Variants in FSTL5 observed in about 807,000 individuals in gnomAD.
The protein encoded by FSTL5 is follistatin-related protein 5.
In FSTL5, 62 loss-of-function variants were observed where a neutral mutation model predicts 89.1. The observed-to-expected ratio is 0.70, with a 90% CI of 0.57 to 0.86. The LOEUF is 0.86. Among genes scored for constraint, FSTL5 ranks in the 40% least tolerant of loss-of-function variants. The pLI is 0.00. For missense variants in FSTL5, 1,057 were observed against 1,001.6 expected (o/e 1.06, Z -0.75); for synonymous variants, 383 against 346.2 (o/e 1.11, Z -1.18).
intron 8 of FSTL5, among the ~76,000 whole-genome samples, chr4:161,574,609 G>A (rs546566148): frequency 1.1e-4 from 16 of 151,972 alleles, no homozygotes; most frequent in South Asian, 4.1e-4. Context: ...GAGAACATAC[G>A]GTGTTTGGTT....
chr4:162,084,924 G>T (rs1031930851), intron 2 of FSTL5, among the ~76,000 whole-genome samples: 1 of 151,894 alleles, frequency 6.6e-6, no homozygotes, highest in Non-Finnish European at 1.5e-5. Context: ...AAGTATAATA[G>T]AATGCATATT....
chr4:161,700,015 T>G (rs1268038916), intron 6 of FSTL5, among the ~76,000 whole-genome samples: 2 of 152,224 alleles, frequency 1.3e-5, no homozygotes, highest in Non-Finnish European at 2.9e-5. Flanking sequence ...AGCAGAGTCA[T>G]TATCTTTATG....
intron 2 of FSTL5, among the ~76,000 whole-genome samples, chr4:162,045,333 C>T (rs1313528688): frequency 6.6e-6 from 1 of 152,078 alleles, no homozygotes; most frequent in Non-Finnish European, 1.5e-5. Context: ...GCAGTCACAA[C>T]ACACACATTT....
At chr4:161,392,889 C>T (rs751022004) in intron 15 of FSTL5, among the ~76,000 whole-genome samples, 2 of 152,018 alleles carry the variant, frequency 1.3e-5, no homozygotes, top group African/African-American at 2.4e-5. Context: ...CAAGGCCGGG[C>T]GCAGTGGCTC....
At chr4:161,924,370 T>C (rs1480570741) in intron 3 of FSTL5, among the ~76,000 whole-genome samples, 2 of 150,762 alleles carry the variant, frequency 1.3e-5, no homozygotes, top group East Asian at 3.9e-4. Flanking sequence ...TATATATTTA[T>C]ATTTATATTC....
At chr4:161,897,629 G>T (rs1038107211) in intron 4 of FSTL5, among the ~76,000 whole-genome samples, 2 of 150,488 alleles carry the variant, frequency 1.3e-5, no homozygotes, top group African/African-American at 4.9e-5. Context: ...AATTCAGAGA[G>T]TTTCATTTAC....
chr4:161,546,767 G>T (rs556307687), intron 8 of FSTL5, among the ~76,000 whole-genome samples: 2 of 151,946 alleles, frequency 1.3e-5, no homozygotes, highest in South Asian at 4.2e-4. Context: ...CCAAAATAAA[G>T]TAAAAATAAC....
At chr4:162,104,039 G>T (rs1053083878) in intron 2 of FSTL5, among the ~76,000 whole-genome samples, 5 of 152,186 alleles carry the variant, frequency 3.3e-5, no homozygotes, top group Admixed American at 6.5e-5. Context: ...ATCCGCGTTT[G>T]TTATGGCTCC....
At chr4:161,902,569 C>T (rs971582358) in intron 4 of FSTL5, among the ~76,000 whole-genome samples, 2 of 151,998 alleles carry the variant, frequency 1.3e-5, no homozygotes, top group Non-Finnish European at 2.9e-5. Flanking sequence ...TAATTTCCAC[C>T]GGGCACGGTG....
At chr4:161,917,219 G>T (rs1057375749) in intron 4 of FSTL5, among the ~76,000 whole-genome samples, 1 of 152,152 alleles carries the variant, frequency 6.6e-6, no homozygotes, top group Non-Finnish European at 1.5e-5. Flanking sequence ...GCCTCCCAAA[G>T]TCCTGGGATT....
At chr4:161,708,258 T>C (rs1738650536) in intron 6 of FSTL5, among the ~76,000 whole-genome samples, 1 of 152,016 alleles carries the variant, frequency 6.6e-6, no homozygotes, top group South Asian at 2.1e-4. Flanking sequence ...ATCTCTTTAC[T>C]TTTAAGCTTT....
At chr4:161,675,792 T>C (rs1016658278) in intron 6 of FSTL5, among the ~76,000 whole-genome samples, 1 of 152,046 alleles carries the variant, frequency 6.6e-6, no homozygotes, top group African/African-American at 2.4e-5. Flanking sequence ...AGACGCTATC[T>C]GATAGAAATT....
chr4:162,077,692 G>C (rs1425980567), intron 2 of FSTL5, among the ~76,000 whole-genome samples: 1 of 151,754 alleles, frequency 6.6e-6, no homozygotes, highest in East Asian at 1.9e-4. Flanking sequence ...AATAACTTTA[G>C]ATTAGACCAT....
chr4:161,678,815 G>A (rs936347641), intron 6 of FSTL5, among the ~76,000 whole-genome samples: 2 of 151,724 alleles, frequency 1.3e-5, no homozygotes, highest in African/African-American at 4.8e-5. Flanking sequence ...TATTTTGGGA[G>A]AGAATTTTGA....
intron 6 of FSTL5, among the ~76,000 whole-genome samples, chr4:161,759,176 T>A (rs963331859): frequency 2.0e-5 from 3 of 152,212 alleles, no homozygotes; most frequent in Non-Finnish European, 2.9e-5. Context: ...TAAACTATAA[T>A]CAATGAGAAT....
chr4:161,846,401 TTAA>T (rs1336756422), intron 4 of FSTL5, among the ~76,000 whole-genome samples: 5 of 152,104 alleles, frequency 3.3e-5, no homozygotes, highest in Admixed American at 3.3e-4. Context: ...TATTAATGAC[TTAA>T]TAAATCTTGA....
intron 7 of FSTL5, among the ~76,000 whole-genome samples, chr4:161,633,701 A>C (rs1735581991): frequency 6.6e-6 from 1 of 152,158 alleles, no homozygotes; most frequent in Admixed American, 6.6e-5. Context: ...ATATCATGCT[A>C]GAGTGTTTAG....
intron 4 of FSTL5, among the ~76,000 whole-genome samples, chr4:161,812,476 C>T (rs1730179641): frequency 6.6e-6 from 1 of 151,470 alleles, no homozygotes; most frequent in Admixed American, 6.6e-5. Context: ...ACAAATTGCT[C>T]AACCTCTCTG....
chr4:161,478,596 A>G (rs1177486175), intron 13 of FSTL5, among the ~76,000 whole-genome samples: 3 of 142,396 alleles, frequency 2.1e-5, no homozygotes, highest in Non-Finnish European at 1.6e-5. Context: ...TGTCAAAATC[A>G]CCGATTTTTT....
Sources: gnomAD v4.1 joint callset for allele counts (sites outside exome capture counted in the v4.1 genomes callset) on GRCh38, gnomAD v4.1.1 for gene constraint, MANE v1.5 for transcripts, NCBI Gene and HGNC (gene_info 2026-07-23, HGNC 2026-07-21) for gene names.